MCU: variants seen among roughly 807,000 people sequenced by gnomAD.
The protein encoded by MCU is mitochondrial calcium uniporter, also known as calcium uniporter protein, mitochondrial.
In MCU, 12 loss-of-function variants were observed where a neutral mutation model predicts 45.2. The ratio of observed to expected loss-of-function variants is 0.27; its 90% CI spans 0.17 to 0.43. The LOEUF (loss-of-function observed/expected upper bound fraction) is 0.43, where lower values mean the gene tolerates loss of function less well. Among genes scored for constraint, MCU ranks in the 20% least tolerant of loss-of-function variants. The probability of loss-of-function intolerance (pLI) is 1.00; values close to 1 mark genes in which losing one functional copy is unlikely to be tolerated. For missense variants in MCU, 324 were observed against 436.7 expected (o/e 0.74, Z 2.30); for synonymous variants, 160 against 165.1 (o/e 0.97, Z 0.24).
At chr10:72,861,122 T>C (rs1282330678) in intron 4 of MCU, among the ~76,000 whole-genome samples, 1 of 152,058 alleles carries the variant, frequency 6.6e-6, no homozygotes, top group African/African-American at 2.4e-5. Context: ...CCTCAAGTTA[T>C]CCTCCTGCCT....
intron 1 of MCU, among the ~76,000 whole-genome samples, chr10:72,738,996 C>G (rs1843287904): frequency 6.6e-6 from 1 of 152,124 alleles, no homozygotes; most frequent in Non-Finnish European, 1.5e-5. Context: ...TTATATTCAA[C>G]TAGAGCCAAA....
chr10:72,833,149 C>A (rs1374433866), intron 1 of MCU, among the ~76,000 whole-genome samples: 1 of 152,018 alleles, frequency 6.6e-6, no homozygotes, highest in African/African-American at 2.4e-5. Context: ...GATCCAAATT[C>A]ATGTAATTAT....
chr10:72,851,304 T>C (rs1360448529), intron 2 of MCU, among the ~76,000 whole-genome samples: 1 of 152,210 alleles, frequency 6.6e-6, no homozygotes, highest in African/African-American at 2.4e-5. Flanking sequence ...CATTTACCTG[T>C]GAAACTGATG....
intron 1 of MCU, among the ~76,000 whole-genome samples, chr10:72,746,560 G>A (rs1379890811): frequency 1.3e-5 from 2 of 152,142 alleles, no homozygotes; most frequent in Admixed American, 6.6e-5. Flanking sequence ...TTATTTTCAG[G>A]CCTTCTTCTG....
At chr10:72,838,598 G>C (rs572058903) in intron 2 of MCU, among the ~76,000 whole-genome samples, 2 of 152,166 alleles carry the variant, frequency 1.3e-5, no homozygotes. Flanking sequence ...ACTGCTCACT[G>C]CTCCCTCCTG....
chr10:72,826,604 A>G (rs1305851766), intron 1 of MCU, among the ~76,000 whole-genome samples: 2 of 152,204 alleles, frequency 1.3e-5, no homozygotes, highest in African/African-American at 2.4e-5. Flanking sequence ...TGAACTGTCT[A>G]TCAAAAAGGG....
intron 1 of MCU, among the ~76,000 whole-genome samples, chr10:72,815,496 T>G (rs1313100689): frequency 6.6e-6 from 1 of 152,186 alleles, no homozygotes; most frequent in African/African-American, 2.4e-5. Context: ...AAGAATTTGG[T>G]GGACATGTAG....
intron 1 of MCU, chr10:72,693,128 TTGGC>T (rs1842645638): frequency 1.3e-6 from 2 of 1,498,858 alleles, no homozygotes; most frequent in South Asian, 1.2e-5. Flanking sequence ...CTGGGTTTCA[TTGGC>T]TGGCAGAAAA....
At chr10:72,727,187 G>C (rs979979912) in intron 1 of MCU, among the ~76,000 whole-genome samples, 1 of 152,206 alleles carries the variant, frequency 6.6e-6, no homozygotes, top group African/African-American at 2.4e-5. Flanking sequence ...CCAGTGCTCA[G>C]AGAGGGAATG....
At chr10:72,794,088 C>G (rs1844208559) in intron 1 of MCU, among the ~76,000 whole-genome samples, 2 of 152,144 alleles carry the variant, frequency 1.3e-5, no homozygotes, top group Admixed American at 1.3e-4. Flanking sequence ...CCATCCCATT[C>G]TAGCAGGTGT....
chr10:72,713,783 A>G (rs999453569), intron 1 of MCU, among the ~76,000 whole-genome samples: 2 of 152,134 alleles, frequency 1.3e-5, no homozygotes, highest in African/African-American at 4.8e-5. Context: ...TAAATTTTGT[A>G]AACTTGTTTC....
chr10:72,698,847 A>C (rs1842721207), intron 1 of MCU, among the ~76,000 whole-genome samples: 1 of 152,076 alleles, frequency 6.6e-6, no homozygotes, highest in Non-Finnish European at 1.5e-5. Context: ...TCTGTTGCCC[A>C]GGCTGAAGTA....
chr10:72,875,680 T>C (rs1225809054), intron 6 of MCU, among the ~76,000 whole-genome samples: 2 of 152,206 alleles, frequency 1.3e-5, no homozygotes, highest in Non-Finnish European at 2.9e-5. Context: ...TATATCCCAA[T>C]AGTATGTTAA....
chr10:72,738,146 A>C (rs531216564), intron 1 of MCU, among the ~76,000 whole-genome samples: 152 of 152,328 alleles, frequency 1.0e-3, no homozygotes, highest in Middle Eastern at 6.8e-3. Flanking sequence ...CAAATTCTGT[A>C]AATATAACAA....
At chr10:72,776,334 A>G (rs989006391) in intron 1 of MCU, among the ~76,000 whole-genome samples, 2 of 152,196 alleles carry the variant, frequency 1.3e-5, no homozygotes, top group African/African-American at 2.4e-5. Context: ...ATACCAGGAA[A>G]CCAAATTCAA....
chr10:72,821,147 T>G (rs1844705787), intron 1 of MCU, among the ~76,000 whole-genome samples: 1 of 152,166 alleles, frequency 6.6e-6, no homozygotes, highest in Non-Finnish European at 1.5e-5. Flanking sequence ...AGAGAAGTGA[T>G]GGGTTCCTAT....
At chr10:72,707,445 C>T (rs1356140441) in intron 1 of MCU, among the ~76,000 whole-genome samples, 2 of 152,076 alleles carry the variant, frequency 1.3e-5, no homozygotes, top group East Asian at 1.9e-4. Flanking sequence ...GTGATTCACC[C>T]GCCTCGGCCT....
At chr10:72,854,467 C>T (rs913477598) in intron 2 of MCU, among the ~76,000 whole-genome samples, 1 of 152,026 alleles carries the variant, frequency 6.6e-6, no homozygotes, top group African/African-American at 2.4e-5. Context: ...TGTAGAAAAA[C>T]GTGTGAGAAC....
intron 4 of MCU, among the ~76,000 whole-genome samples, chr10:72,866,528 CTGGGATTACAG>C: frequency 6.6e-6 from 1 of 152,286 alleles, no homozygotes; most frequent in African/African-American, 2.4e-5. Context: ...TCCCCAGTAG[CTGGGATTACAG>C]GCATGCACCA....
Sources: gnomAD v4.1 joint callset for allele counts (sites outside exome capture counted in the v4.1 genomes callset) on GRCh38, gnomAD v4.1.1 for gene constraint, MANE v1.5 for transcripts, NCBI Gene and HGNC (gene_info 2026-07-23, HGNC 2026-07-21) for gene names.